STK32A: variants seen among roughly 807,000 people sequenced by gnomAD.
STK32A encodes serine/threonine kinase 32A.
Under a neutral mutation model 53.2 loss-of-function variants are expected in STK32A, and 41 were observed. The ratio of observed to expected loss-of-function variants is 0.77; its 90% CI spans 0.60 to 1.00. The LOEUF is 1.00. Ranked by LOEUF, STK32A falls within the 50% of genes least tolerant of loss-of-function variation. The pLI is 0.00. For synonymous variants in STK32A, 166 were observed against 162.8 expected, an observed-to-expected ratio of 1.02 and a Z score of -0.15; for missense variants, 458 against 485.8, an observed-to-expected ratio of 0.94 and a Z score of 0.54.
intron 4 of STK32A, among the ~76,000 whole-genome samples, chr5:147,302,927 A>G (rs1018186519): frequency 2.0e-5 from 3 of 151,354 alleles, no homozygotes; most frequent in Non-Finnish European, 4.4e-5. Context: ...TCTTTTCAGT[A>G]TATATTTCTT....
In STK32A at chr5:147,383,415, A is replaced by G. The variant is rs201440928; in HGVS notation, c.1033-26A>G. ...TCATTTGTCTGCTAACTATACCTCT[A>G]TTTTTTTTCTACGTTCACCTGGAAG... On this transcript the variant is annotated intron_variant, in intron 11 of 12. Coordinates refer to ENST00000397936, the MANE Select transcript of STK32A (RefSeq NM_001112724.2). The G allele has an allele frequency of 7.7e-6, 12 of 1,567,298 alleles. No individual in the cohort carries two copies. In the Admixed American group the frequency reaches 1.5e-4, roughly 19 times the overall value.
intron 4 of STK32A, among the ~76,000 whole-genome samples, chr5:147,289,440 G>A (rs1372137835): frequency 6.6e-6 from 1 of 151,912 alleles, no homozygotes; most frequent in Non-Finnish European, 1.5e-5. Context: ...AATGCCCCTA[G>A]CTTCTGGAGA....
chr5:147,298,177 C>A (rs79541136), intron 4 of STK32A, among the ~76,000 whole-genome samples: 7,903 of 152,066 alleles, frequency 0.052, 269 homozygotes, highest in South Asian at 0.091. Context: ...AGGGAATGAG[C>A]AGAAAGGGAT....
At chr5:147,353,352 A>G (rs1315092231) in intron 7 of STK32A, among the ~76,000 whole-genome samples, 1 of 152,212 alleles carries the variant, frequency 6.6e-6, no homozygotes, top group Non-Finnish European at 1.5e-5. Flanking sequence ...TAATAAGCAA[A>G]TAGGACTAAA....
chr5:147,332,624 CTTTT>C (rs1049010413), intron 5 of STK32A, among the ~76,000 whole-genome samples: 9 of 152,018 alleles, frequency 5.9e-5, no homozygotes, highest in Non-Finnish European at 1.3e-4. Context: ...AATGCCCTTT[CTTTT>C]TGTTTTGGTA....
At chr5:147,256,510 T>C (rs1203082683) in intron 2 of STK32A, among the ~76,000 whole-genome samples, 1 of 152,116 alleles carries the variant, frequency 6.6e-6, no homozygotes, top group Non-Finnish European at 1.5e-5. Context: ...TGTTTTTTTG[T>C]TGTTTTGTTT....
chr5:147,388,839 C>A (rs1757732603), downstream of STK32A, among the ~76,000 whole-genome samples: 1 of 152,144 alleles, frequency 6.6e-6, no homozygotes, highest in Non-Finnish European at 1.5e-5. Flanking sequence ...CCACTTCATG[C>A]CTTTCAGACT....
chr5:147,247,229 A>G (rs949790583), intron 2 of STK32A, among the ~76,000 whole-genome samples: 18 of 152,220 alleles, frequency 1.2e-4, no homozygotes, highest in Non-Finnish European at 4.4e-5. Flanking sequence ...ACTCGATTAG[A>G]GTGACCAGTG....
At chr5:147,276,056 T>C (rs1035230291) in intron 2 of STK32A, among the ~76,000 whole-genome samples, 2 of 152,204 alleles carry the variant, frequency 1.3e-5, no homozygotes, top group African/African-American at 4.8e-5. Flanking sequence ...TTGCTCAAGA[T>C]AAAATCTTGA....
chr5:147,351,788 A>G (rs1322656839), intron 7 of STK32A, among the ~76,000 whole-genome samples: 3 of 152,214 alleles, frequency 2.0e-5, no homozygotes, highest in African/African-American at 7.2e-5. Flanking sequence ...CGGAGGTTGC[A>G]GTGAGTCGAG....
intron 7 of STK32A, among the ~76,000 whole-genome samples, chr5:147,351,431 C>G (rs1755972308): frequency 6.6e-6 from 1 of 152,160 alleles, no homozygotes; most frequent in African/African-American, 2.4e-5. Flanking sequence ...CAATAAATAC[C>G]TACTAACTGT....
At chr5:147,244,124 T>C (rs184395387) in intron 2 of STK32A, among the ~76,000 whole-genome samples, 261 of 152,334 alleles carry the variant, frequency 1.7e-3, no homozygotes, top group African/African-American at 5.8e-3. Context: ...CTCATATAAA[T>C]GGAACATATA....
rs1757638952 is a variant in STK32A at position 147,386,240 on chromosome 5, T to G, written c.*2257T>G. 1 of 152,220 alleles carries G rather than the reference T, an allele frequency of 6.6e-6. No homozygotes were observed. The highest frequency in any genetic ancestry group is 1.5e-5 in the Non-Finnish European group (1 of 68,036). 9.4% of individuals were successfully genotyped at this position (152,220 alleles called of 1,614,324 possible). A position where few individuals can be genotyped will look rare whatever the true frequency, so the allele number is the denominator to read the frequency against. The stretch of plus-strand genomic sequence containing the variant: ...ACTTGAAGCAATTGCCCTGACTCGA[T>G]TTCAGAGAAGGGGATGTGTTGGAAA... On this transcript the variant is annotated 3_prime_UTR_variant, in exon 13 of 13. Coordinates refer to ENST00000397936, the MANE Select transcript of STK32A (RefSeq NM_001112724.2).
At chr5:147,298,642 C>G (rs9285667) in intron 4 of STK32A, among the ~76,000 whole-genome samples, 124,638 of 151,762 alleles carry the variant, frequency 0.82, 51,946 homozygotes, top group African/African-American at 0.95. Flanking sequence ...AAAAACTACG[C>G]TTGTTTTTTC....
At chr5:147,354,004 TAGAGAGAG>T (rs10668611) in intron 7 of STK32A, among the ~76,000 whole-genome samples, 10 of 148,346 alleles carry the variant, frequency 6.7e-5, no homozygotes, top group Non-Finnish European at 1.2e-4. Context: ...CCCATGTAAC[TAGAGAGAG>T]AGAGAGAGAG....
Position 147,327,768 on chromosome 5 carries a change from AG to A in STK32A, c.434+3700del, listed in dbSNP as rs569369613. On this transcript the variant is annotated intron_variant, in intron 5 of 12. Coordinates refer to ENST00000397936, the MANE Select transcript of STK32A (RefSeq NM_001112724.2). ...GCCCAAGTTTGCATGGCTATTAAGTAGGGAAAGCATCATGTTTAGGAAATGC... is the reference window on the plus strand; with the variant it reads ...GCCCAAGTTTGCATGGCTATTAAGTAGGAAAGCATCATGTTTAGGAAATGC... 2.1e-4 allele frequency among the ~76,000 whole-genome samples: 32 copies of A among 152,330 alleles called. No homozygotes were observed. The South Asian group carries it at 6.6e-3, about 32-fold the overall frequency.
chr5:147,370,617 A>G (rs202216975), intron 8 of STK32A, 37 bp from the exon 9 acceptor site: 2 of 1,407,146 alleles, frequency 1.4e-6, no homozygotes, highest in Middle Eastern at 2.0e-4. Flanking sequence ...CTTTTGTCCT[A>G]TACAAATGAA....
At position 147,274,303 on chromosome 5, in the gene STK32A, A is replaced by G. The variant is rs143137054; in HGVS notation, c.53-3821A>G. Among the ~76,000 whole-genome samples the G allele has an allele frequency of 1.9e-3, 295 of 152,256 alleles. 1 individual carries two copies. The highest frequency in any genetic ancestry group is 6.8e-3 in the Middle Eastern group (2 of 294). On this transcript the variant is annotated intron_variant, in intron 2 of 12. Coordinates refer to ENST00000397936, the MANE Select transcript of STK32A (RefSeq NM_001112724.2). ...CATACCCTAGCCCAGCCCTGTCAGC[A>G]TGAGTGAGAACCAGGCTCTGCCTTT...
intron 7 of STK32A, among the ~76,000 whole-genome samples, chr5:147,355,794 A>G (rs576747973): frequency 0.26 from 24,054 of 92,588 alleles, 2,112 homozygotes; most frequent in African/African-American, 0.33. Flanking sequence ...GTGTGTGTGT[A>G]TATATATATA....
Sources: gnomAD v4.1 joint callset for allele counts (sites outside exome capture counted in the v4.1 genomes callset) on GRCh38, gnomAD v4.1.1 for gene constraint, MANE v1.5 for transcripts, NCBI Gene and HGNC (gene_info 2026-07-23, HGNC 2026-07-21) for gene names.